The following KLHL5 variants were observed in gnomAD, a reference collection of about 807,000 sequenced individuals.
KLHL5 encodes the protein kelch-like protein 5.
KLHL5 carries 48 observed loss-of-function variants against 77.7 expected under a neutral mutation model. That is an observed-to-expected ratio of 0.62 (90% confidence interval 0.49 to 0.79). KLHL5 has a LOEUF of 0.79. Ranked by LOEUF, KLHL5 falls within the 30% of genes least tolerant of loss-of-function variation. The probability of loss-of-function intolerance (pLI) is 0.00; values close to 1 mark genes in which losing one functional copy is unlikely to be tolerated. For missense variants in KLHL5, 723 were observed against 859.7 expected (o/e 0.84, Z 1.99); for synonymous variants, 260 against 297.0 (o/e 0.88, Z 1.28).
chr4:39,118,973 T>G (rs1420727735), intron 10 of KLHL5, among the ~76,000 whole-genome samples: 2 of 152,118 alleles, frequency 1.3e-5, no homozygotes, highest in Non-Finnish European at 2.9e-5. Context: ...GCTACAAGAT[T>G]TCATTGGAAA....
At chr4:39,075,902 A>C in intron 1 of KLHL5, 63 bp from the exon 2 acceptor site, 1 of 1,376,052 alleles carries the variant, frequency 7.3e-7, no homozygotes, top group Non-Finnish European at 1.0e-6. Flanking sequence ...AAAAGACTTA[A>C]TAGGAAAGAT....
intron 6 of KLHL5, among the ~76,000 whole-genome samples, chr4:39,100,800 T>C (rs1026454678): frequency 6.6e-6 from 1 of 152,184 alleles, no homozygotes; most frequent in Non-Finnish European, 1.5e-5. Context: ...TGAGTTTTTT[T>C]AGTGATTAAA....
chr4:39,097,313 T>A (rs532346725), intron 6 of KLHL5, among the ~76,000 whole-genome samples: 12 of 152,302 alleles, frequency 7.9e-5, no homozygotes, highest in African/African-American at 2.6e-4. Flanking sequence ...AATAACCAAT[T>A]CAGTCAAGAA....
Position 39,123,435 on chromosome 4 carries a change from A to T in KLHL5, c.*2369A>T, listed in dbSNP as rs1409840826. ...GGGAAGCTACAGACCAATATCCCTT[A>T]TGAATATAGATGCAAAAAAACTTCA... On this transcript the variant is annotated 3_prime_UTR_variant, in exon 11 of 11. Transcript: ENST00000504108. Among the ~76,000 whole-genome samples the T allele has an allele frequency of 6.6e-6, 1 of 152,230 alleles. No individual in the cohort carries two copies. Among genetic ancestry groups the T allele is most frequent in the African/African-American group, 2.4e-5 (1 of 41,462 alleles).
chr4:39,046,036 CTTT>C (rs71192816), intron 1 of KLHL5, among the ~76,000 whole-genome samples: 2 of 143,794 alleles, frequency 1.4e-5, no homozygotes, highest in Non-Finnish European at 3.0e-5. Flanking sequence ...CCAATCATGA[CTTT>C]TTTTTTTTTT....
At position 39,124,727 on chromosome 4, in the gene KLHL5, C is replaced by T. The variant is rs778090491; in HGVS notation, c.*3661C>T. 1.5e-5 allele frequency among the ~76,000 whole-genome samples: 2 copies of T among 130,828 alleles called. No individual in the cohort carries two copies. The highest frequency in any genetic ancestry group is 2.8e-5 in the African/African-American group (1 of 36,004). 85.8% of individuals were successfully genotyped at this position (130,828 alleles called of 152,430 possible). A position where few individuals can be genotyped will look rare whatever the true frequency, so the allele number is the denominator to read the frequency against. On this transcript the variant is annotated 3_prime_UTR_variant, in exon 11 of 11. Transcript: ENST00000504108. The stretch of plus-strand genomic sequence containing the variant: ...ACCATAAAACTTTGAGAAGAAAATA[C>T]AGGAATAAATCTTCATGACCTTGGA...
intron 1 of KLHL5, 39 bp downstream of exon 1, chr4:39,063,074 G>A (rs767272333): frequency 1.4e-6 from 2 of 1,476,314 alleles, no homozygotes; most frequent in Non-Finnish European, 9.2e-7. Flanking sequence ...GGGTGTGGGG[G>A]TATGGCTCTA....
chr4:39,079,497 A>G (rs190367360), intron 2 of KLHL5, among the ~76,000 whole-genome samples: 231 of 152,060 alleles, frequency 1.5e-3, no homozygotes, highest in African/African-American at 5.2e-3. Flanking sequence ...ATTTTGCACT[A>G]TTTCTTCTGC....
At chr4:39,141,401 C>T in the KLHL5 span, among the ~76,000 whole-genome samples, 2 of 150,122 alleles carry the variant, frequency 1.3e-5, no homozygotes, top group Admixed American at 6.7e-5. Context: ...CTCCACCTGC[C>T]GGGTTCACGC....
intron 1 of KLHL5, among the ~76,000 whole-genome samples, chr4:39,050,233 T>C (rs1716533951): frequency 1.3e-5 from 2 of 152,226 alleles, no homozygotes; most frequent in Non-Finnish European, 2.9e-5. Context: ...ATATATAAAC[T>C]GTTACACTTT....
At chr4:39,059,302 GA>G (rs916311425), upstream of KLHL5, among the ~76,000 whole-genome samples, 6 of 148,972 alleles carry the variant, frequency 4.0e-5, no homozygotes, top group African/African-American at 1.2e-4. Flanking sequence ...TAACTTAATA[GA>G]AAAAAAAAGG....
chr4:39,128,888 C>T (rs891563630), downstream of KLHL5, among the ~76,000 whole-genome samples: 1 of 152,020 alleles, frequency 6.6e-6, no homozygotes, highest in East Asian at 1.9e-4. Flanking sequence ...ATTGCCTGAG[C>T]CTGGGAGGCC....
chr4:39,121,304 C>T lies in KLHL5; in HGVS notation c.*238C>T, dbSNP rs1330551401. The T allele has an allele frequency of 5.6e-6, 3 of 532,972 alleles. No homozygotes were observed. Among genetic ancestry groups the T allele is most frequent in the Non-Finnish European group, 1.0e-5 (3 of 297,542 alleles). 33.0% of individuals were successfully genotyped at this position (532,972 alleles called of 1,614,324 possible). ...CTGGTGGATTGTGATCACACATTCC[C>T]GAAGTAATAAGTGAGGACGAATGCA... is the stretch of plus-strand genomic sequence containing the variant. On this transcript the variant is annotated 3_prime_UTR_variant, in exon 11 of 11. Coordinates refer to ENST00000504108, the MANE Select transcript of KLHL5 (RefSeq NM_015990.5).
chr4:39,112,955 G>C, intron 8 of KLHL5, 65 bp from the exon 9 acceptor site: 2 of 1,375,238 alleles, frequency 1.5e-6, no homozygotes, highest in Non-Finnish European at 2.0e-6. Context: ...AACATAAGAA[G>C]AGCCTCTTTG....
intron 6 of KLHL5, among the ~76,000 whole-genome samples, chr4:39,097,966 A>G (rs561802808): frequency 2.6e-5 from 4 of 151,888 alleles, no homozygotes; most frequent in African/African-American, 9.6e-5. Flanking sequence ...CCCCATCTCT[A>G]TCAAAAATAC....
Position 39,062,865 on chromosome 4 carries a change from C to T in KLHL5, c.213C>T (p.Ser71=). ...LPLASIGYRR[S]SQLDFQNSPS... ...TGGCTTCAATTGGTTACCGAAGGTC[C>T]AGCCAACTGGATTTTCAGAATTCAC... is the stretch of plus-strand genomic sequence containing the variant. Residue 71 remains serine, a synonymous_variant, in exon 1 of 11, where the codon TCC becomes TCT. Transcript: ENST00000504108. The T allele has an allele frequency of 6.2e-7, 1 of 1,614,150 alleles. No homozygotes were observed. Among genetic ancestry groups the T allele is most frequent in the Non-Finnish European group, 8.5e-7 (1 of 1,180,008 alleles).
chr4:39,101,877 T>TATATAC (rs769434754), intron 6 of KLHL5, among the ~76,000 whole-genome samples: 33 of 108,546 alleles, frequency 3.0e-4, no homozygotes, highest in East Asian at 1.9e-3. Flanking sequence ...TATATATATA[T>TATATAC]ACACACACAC....
chr4:39,140,805 T>C, the KLHL5 span, among the ~76,000 whole-genome samples: 1 of 152,230 alleles, frequency 6.6e-6, no homozygotes, highest in Non-Finnish European at 1.5e-5. Context: ...ATGAGATGAA[T>C]TTTATGAAAA....
In KLHL5 at chr4:39,062,869, C is replaced by A. The variant is rs770006574; in HGVS notation, c.217C>A (p.Gln73Lys). The change falls in exon 1 of 11, where the codon CAA (glutamine) becomes AAA (lysine). Residue 73 changes from glutamine to lysine, a missense_variant. Gln to Lys is a moderately conservative substitution (Grantham distance 53). Around this residue, in one of 3 missense-constraint regions of KLHL5, gnomAD observed 221 missense variants for 222.1 expected, o/e 1.00. Transcript: ENST00000504108. ...LASIGYRRSS[Q>K]LDFQNSPSWP... ...TTCAATTGGTTACCGAAGGTCCAGC[C>A]AACTGGATTTTCAGAATTCACCTTC... 2 of 1,614,184 alleles carry A rather than the reference C, an allele frequency of 1.2e-6. No homozygotes were observed. Among genetic ancestry groups the A allele is most frequent in the Non-Finnish European group, 8.5e-7 (1 of 1,180,032 alleles).
Sources: gnomAD v4.1 joint callset for allele counts (sites outside exome capture counted in the v4.1 genomes callset) on GRCh38, gnomAD v4.1.1 for gene constraint, gnomAD v4.1.1 regional missense constraint, MANE v1.5 for transcripts, NCBI Gene and HGNC (gene_info 2026-07-23, HGNC 2026-07-21) for gene names.